TRAK2: variants seen among roughly 807,000 people sequenced by gnomAD.
TRAK2 encodes the protein trafficking kinesin protein 2.
TRAK2 carries 81 observed loss-of-function variants against 104.6 expected under a neutral mutation model. The ratio of observed to expected loss-of-function variants is 0.77; its 90% CI spans 0.65 to 0.93. The LOEUF is 0.93. Ranked by LOEUF, TRAK2 falls within the 40% of genes least tolerant of loss-of-function variation. TRAK2 has a pLI of 0.00. For synonymous variants in TRAK2, 406 were observed against 394.4 expected (o/e 1.03, Z -0.35); for missense variants, 1,002 against 1,089.0 (o/e 0.92, Z 1.12).
Position 201,394,821 on chromosome 2 carries a change from C to T in TRAK2, c.952G>A (p.Ala318Thr), listed in dbSNP as rs912639410. The T allele has an allele frequency of 6.2e-7, 1 of 1,613,922 alleles. No individual in the cohort carries two copies. Among genetic ancestry groups the T allele is most frequent in the African/African-American group, 1.3e-5 (1 of 75,036 alleles). The change falls in exon 9 of 16, where the codon GCC becomes ACC. Residue 318 changes from alanine (A) to threonine (T), a missense_variant. By Grantham distance (58) the Ala-to-Thr change is moderately conservative. Transcript: ENST00000332624. ...LKLHLQASKD[A>T]QRQLTMELHE... is the part of the protein sequence containing the mutation. ...ACCTCCATTGTCAGTTGCCGTTGGG[C>T]ATCTTTGGAAGCTTGCAGGTGAAGT...
At chr2:201,422,371 C>G (rs1434940799) in intron 1 of TRAK2, among the ~76,000 whole-genome samples, 1 of 152,178 alleles carries the variant, frequency 6.6e-6, no homozygotes, top group East Asian at 1.9e-4. Context: ...CAGGAACTGT[C>G]ATCAGTAAAA....
intron 1 of TRAK2, among the ~76,000 whole-genome samples, chr2:201,446,491 C>T (rs942259410): frequency 1.3e-5 from 2 of 152,184 alleles, no homozygotes; most frequent in African/African-American, 4.8e-5. Flanking sequence ...TCCTTATCTC[C>T]TCTGATAAAC....
intron 2 of TRAK2, among the ~76,000 whole-genome samples, chr2:201,415,891 C>T (rs1230024340): frequency 6.6e-6 from 1 of 151,558 alleles, no homozygotes; most frequent in Non-Finnish European, 1.5e-5. Context: ...CAAAGAAAAC[C>T]ACATCAAAGC....
Position 201,378,870 on chromosome 2 carries a change from T to TCTA in TRAK2, c.*1670_*1672dup, listed in dbSNP as rs1244144232. On this transcript the variant is annotated 3_prime_UTR_variant, in exon 16 of 16. Transcript: ENST00000332624. ...CATGTTGGCTTTTTGAGCACATAGC[T>TCTA]CTAAGTGGGGGGATGGCGGGGATGC... The TCTA allele has an allele frequency of 6.6e-6, 1 of 152,088 alleles. No individual in the cohort carries two copies. The highest frequency in any genetic ancestry group is 1.5e-5 in the Non-Finnish European group (1 of 68,006). 9.4% of individuals were successfully genotyped at this position (152,088 alleles called of 1,614,324 possible).
intron 1 of TRAK2, among the ~76,000 whole-genome samples, chr2:201,440,116 G>T (rs898351902): frequency 4.0e-5 from 6 of 149,654 alleles, no homozygotes; most frequent in Non-Finnish European, 7.4e-5. Context: ...GAAGAAAAAA[G>T]AAAAAGAAAA....
At chr2:201,391,442 T>C (rs1339251502) in intron 10 of TRAK2, among the ~76,000 whole-genome samples, 1 of 152,128 alleles carries the variant, frequency 6.6e-6, no homozygotes, top group Non-Finnish European at 1.5e-5. Context: ...GTCATCACTG[T>C]AATAACTCTG....
At chr2:201,425,894 G>A (rs1022630855) in intron 1 of TRAK2, among the ~76,000 whole-genome samples, 11 of 152,084 alleles carry the variant, frequency 7.2e-5, no homozygotes, top group African/African-American at 2.7e-4. Context: ...AGACCACTGC[G>A]AAAATCTAAT....
Position 201,384,210 on chromosome 2 carries a change from G to A in TRAK2, c.1970C>T (p.Thr657Ile). ...CGACAGGCACTTTCCTGGGTTGGCG[G>A]TTGCAACTGAAATAGATTTTTAGGG... ...TSAGGPVTVATANPGKCLSCT... is the reference protein window; with the variant it reads ...TSAGGPVTVAIANPGKCLSCT... Residue 657 changes from threonine (T) to isoleucine (I), a missense_variant, in exon 15 of 16, where the codon ACC (threonine) becomes ATC (isoleucine). Transcript: ENST00000332624. The A allele has an allele frequency of 6.2e-7, 1 of 1,611,738 alleles. No homozygotes were observed. The highest frequency in any genetic ancestry group is 1.1e-5 in the South Asian group (1 of 90,386).
intron 1 of TRAK2, among the ~76,000 whole-genome samples, chr2:201,440,074 T>TA (rs1951908678): frequency 2.0e-5 from 3 of 149,710 alleles, no homozygotes; most frequent in Admixed American, 6.7e-5. Context: ...CCCTAAAACT[T>TA]AAAGTATTAA....
intron 1 of TRAK2, among the ~76,000 whole-genome samples, chr2:201,436,548 C>T (rs1951880948): frequency 6.6e-6 from 1 of 152,152 alleles, no homozygotes; most frequent in South Asian, 2.1e-4. Context: ...GCTAGGAAGA[C>T]CCCTTGAAAT....
Position 201,379,473 on chromosome 2 carries a change from C to T in TRAK2, c.*1070G>A, listed in dbSNP as rs543846179. The T allele has an allele frequency of 1.3e-5, 2 of 152,696 alleles. No homozygotes were observed. Among genetic ancestry groups the T allele is most frequent in the East Asian group, 1.9e-4 (1 of 5,190 alleles). 9.5% of individuals were successfully genotyped at this position (152,696 alleles called of 1,614,324 possible). ...AGCACCCGGGTTTTACTTCAGTTTA[C>T]AATAATTTAATGTGCCTGAGAATTT... On this transcript the variant is annotated 3_prime_UTR_variant, in exon 16 of 16. Transcript: ENST00000332624.
At position 201,420,498 on chromosome 2, in the gene TRAK2, A is replaced by G; in HGVS notation, c.10T>C (p.Ser4Pro). The change falls in exon 2 of 16, where the codon TCC becomes CCC. Residue 4 changes from serine (S) to proline (P), a missense_variant. Transcript: ENST00000332624. ...GGTGATGTAAAAATTGCATTCTGGGATTGACTCATGCAGGATCCTTTCTTG... is the reference window on the plus strand; with the variant it reads ...GGTGATGTAAAAATTGCATTCTGGGGTTGACTCATGCAGGATCCTTTCTTG... MSQSQNAIFTSPTG... is the reference protein window; with the variant it reads MSQPQNAIFTSPTG... 6.2e-7 allele frequency: 1 copy of G among 1,613,962 alleles called. No individual in the cohort carries two copies. The highest frequency in any genetic ancestry group is 1.1e-5 in the South Asian group (1 of 91,084).
At chr2:201,385,646 T>C (rs753270623) in intron 14 of TRAK2, among the ~76,000 whole-genome samples, 2 of 152,200 alleles carry the variant, frequency 1.3e-5, no homozygotes, top group Non-Finnish European at 2.9e-5. Context: ...TCCAACTGCA[T>C]GTTTGTGCCT....
At chr2:201,450,231 A>G (rs1199152639) in intron 1 of TRAK2, among the ~76,000 whole-genome samples, 2 of 152,050 alleles carry the variant, frequency 1.3e-5, no homozygotes, top group African/African-American at 4.8e-5. Context: ...CCTGGCCAAC[A>G]TGGTGAAACC....
chr2:201,435,695 G>C (rs946328211), intron 1 of TRAK2, among the ~76,000 whole-genome samples: 8 of 152,100 alleles, frequency 5.3e-5, no homozygotes, highest in African/African-American at 1.9e-4. Context: ...GCTTCTTTTA[G>C]GAAAGAAATA....
chr2:201,401,095 C>T lies in TRAK2; in HGVS notation c.287-1G>A. 6.3e-7 allele frequency: 1 copy of T among 1,595,888 alleles called. No individual in the cohort carries two copies. On this transcript the variant is annotated splice_acceptor_variant, in intron 3 of 15. Transcript: ENST00000332624. LOFTEE classifies it high-confidence loss of function. Reference sequence around the variant, plus strand: ...TGCTCCACCCTGTCTGTGCCTAGAACTAATATAGTTAAAAACAACTATTTA... The same window carrying T: ...TGCTCCACCCTGTCTGTGCCTAGAATTAATATAGTTAAAAACAACTATTTA...
intron 1 of TRAK2, among the ~76,000 whole-genome samples, chr2:201,422,351 T>C (rs1283877759): frequency 4.6e-5 from 7 of 152,202 alleles, no homozygotes; most frequent in Admixed American, 4.6e-4. Context: ...ATGTGCATAC[T>C]TAAAAAAATC....
In TRAK2 at chr2:201,389,984, G is replaced by A; in HGVS notation, c.1114-104C>T. 4.9e-6 allele frequency: 4 copies of A among 809,462 alleles called. No homozygotes were observed. In the South Asian group the frequency reaches 7.8e-5, roughly 16 times the overall value. The allele number at this position is 809,462 out of a possible 1,614,324, so 50.1% of individuals were successfully genotyped here. A position where few individuals can be genotyped will look rare whatever the true frequency, so the allele number is the denominator to read the frequency against. ...TTTTATAATAAAATACAAGGAAATA[G>A]TCAAGGCTAACATTCAGGGGAAAAA... On this transcript the variant is annotated intron_variant, in intron 10 of 15. Transcript: ENST00000332624.
At position 201,421,206 on chromosome 2, in the gene TRAK2, T is replaced by C. The variant is rs554413193; in HGVS notation, c.-199-500A>G. On this transcript the variant is annotated intron_variant, in intron 1 of 15. Coordinates refer to ENST00000332624, the MANE Select transcript of TRAK2 (RefSeq NM_015049.3). ...TATGTAGAAGTAGAATGTTTTGCAG[T>C]AGCATGAAGGCCAGAAGGGGGGAAA... is the stretch of plus-strand genomic sequence containing the variant. 1.0e-3 allele frequency among the ~76,000 whole-genome samples: 155 copies of C among 152,286 alleles called. 2 individuals are homozygous for C. Among genetic ancestry groups the C allele is most frequent in the African/African-American group, 3.6e-3 (148 of 41,554 alleles).
Sources: allele counts gnomAD v4.1 joint callset (sites outside exome capture counted in the v4.1 genomes callset), GRCh38; gene constraint gnomAD v4.1.1; transcripts MANE v1.5; gene names NCBI Gene and HGNC (gene_info 2026-07-23, HGNC 2026-07-21).